The following PCDH7 variants were observed in gnomAD, a reference collection of about 807,000 sequenced individuals.
PCDH7 encodes protocadherin-7.
Under a neutral mutation model 58.9 loss-of-function variants are expected in PCDH7, and 17 were observed. The observed-to-expected ratio is 0.29, with a 90% confidence interval of 0.20 to 0.43. The LOEUF (loss-of-function observed/expected upper bound fraction) is 0.43. Ranked by LOEUF, PCDH7 falls within the 20% of genes least tolerant of loss-of-function variation. The probability of loss-of-function intolerance (pLI) is 1.00; values close to 1 mark genes in which losing one functional copy is unlikely to be tolerated. For synonymous variants in PCDH7, 664 were observed against 616.4 expected, an observed-to-expected ratio of 1.08 and a Z score of -1.14; for missense variants, 1,274 against 1,441.0, an observed-to-expected ratio of 0.88 and a Z score of 1.88.
intron 3 of PCDH7, among the ~76,000 whole-genome samples, chr4:31,124,161 C>T (rs1309004845): frequency 2.0e-5 from 3 of 152,136 alleles, no homozygotes; most frequent in Non-Finnish European, 2.9e-5. Flanking sequence ...GAGGGTGGAG[C>T]CCTCACCAGG....
At chr4:31,075,227 G>C (rs1758888017) in intron 3 of PCDH7, among the ~76,000 whole-genome samples, 2 of 151,898 alleles carry the variant, frequency 1.3e-5, no homozygotes, top group South Asian at 4.2e-4. Context: ...TATGACCTTT[G>C]CATTTGCCTG....
At position 31,097,620 on chromosome 4, in the gene PCDH7, ATATATATATATAT is replaced by A. The variant is rs1481936768; in HGVS notation, c.*8-44852_*8-44840del. Among the ~76,000 whole-genome samples the A allele has an allele frequency of 1.0e-3, 39 of 38,366 alleles. 5 individuals are homozygous for A. In the East Asian group the frequency reaches 0.023, roughly 23 times the overall value. 25.2% of individuals were successfully genotyped at this position (38,366 alleles called of 152,430 possible). A position where few individuals can be genotyped will look rare whatever the true frequency, so the allele number is the denominator to read the frequency against. On this transcript the variant is annotated intron_variant, in intron 3 of 3. Transcript: ENST00000509759. Reference sequence around the variant, plus strand: ...TATATATATATATATATATATATATATATATATATATATATATAAATCTTTTTTCTGTAATTTC... The same window carrying A: ...TATATATATATATATATATATATATAATATAAATCTTTTTTCTGTAATTTC...
intron 1 of PCDH7, among the ~76,000 whole-genome samples, chr4:30,751,830 A>G (rs1200025075): frequency 6.6e-6 from 1 of 152,168 alleles, no homozygotes; most frequent in Non-Finnish European, 1.5e-5. Flanking sequence ...ATTTACTTGT[A>G]TATTTCCCCT....
At chr4:31,105,199 G>A (rs1040173408) in intron 3 of PCDH7, among the ~76,000 whole-genome samples, 2 of 152,090 alleles carry the variant, frequency 1.3e-5, no homozygotes, top group African/African-American at 4.8e-5. Flanking sequence ...TTGTGTATAA[G>A]TAAAGGACAC....
At chr4:30,729,942 A>AT in intron 1 of PCDH7, among the ~76,000 whole-genome samples, 1 of 151,982 alleles carries the variant, frequency 6.6e-6, no homozygotes, top group East Asian at 1.9e-4. Context: ...TAAATTATTG[A>AT]ATCTATTAAT....
chr4:30,912,184 T>A (rs374653692), intron 1 of PCDH7, among the ~76,000 whole-genome samples: 3 of 152,192 alleles, frequency 2.0e-5, no homozygotes, highest in East Asian at 3.9e-4. Flanking sequence ...TCTTGAAATG[T>A]TAGCAAAAGA....
At position 30,891,681 on chromosome 4, in the gene PCDH7, A is replaced by T. The variant is rs181424253; in HGVS notation, c.71-28472A>T. ...AAACTCCATCATGGGAAGGGCAGGG[A>T]AATGACCAAAGATCACTTATTGATT... On this transcript the variant is annotated intron_variant, in intron 1 of 3. Coordinates refer to the PCDH7 transcript ENST00000509759. 1.0e-3 allele frequency among the ~76,000 whole-genome samples: 159 copies of T among 152,156 alleles called. 3 individuals are homozygous for T. The highest frequency in any genetic ancestry group is 0.01 in the Admixed American group (156 of 15,278).
downstream of PCDH7, among the ~76,000 whole-genome samples, chr4:30,733,969 C>T (rs953005764): frequency 1.3e-5 from 2 of 152,084 alleles, no homozygotes; most frequent in Non-Finnish European, 2.9e-5. Context: ...AATTATTCGA[C>T]TGGACTTATG....
chr4:30,867,720 A>T (rs563369492), intron 1 of PCDH7, among the ~76,000 whole-genome samples: 1 of 152,150 alleles, frequency 6.6e-6, no homozygotes, highest in South Asian at 2.1e-4. Context: ...ATGCAGTGTG[A>T]TGTGGAATAT....
chr4:30,837,916 T>A (rs57877067), intron 1 of PCDH7, among the ~76,000 whole-genome samples: 2 of 139,290 alleles, frequency 1.4e-5, no homozygotes, highest in Admixed American at 7.2e-5. Context: ...TATATATATA[T>A]AACATTATTG....
chr4:31,056,503 A>AAG (rs1757231342), intron 3 of PCDH7, among the ~76,000 whole-genome samples: 1 of 117,742 alleles, frequency 8.5e-6, no homozygotes, highest in African/African-American at 3.3e-5. Context: ...GAAAGAAAGA[A>AAG]AGAAAGAAAG....
chr4:30,762,186 G>T (rs888319703), intron 1 of PCDH7, among the ~76,000 whole-genome samples: 1 of 152,102 alleles, frequency 6.6e-6, no homozygotes, highest in African/African-American at 2.4e-5. Context: ...TATAAAAGCT[G>T]TGTGTTATTA....
chr4:31,017,099 G>A (rs1753679098), intron 3 of PCDH7, among the ~76,000 whole-genome samples: 1 of 152,150 alleles, frequency 6.6e-6, no homozygotes, highest in Non-Finnish European at 1.5e-5. Flanking sequence ...AATGTTGCCA[G>A]TGGTGTCAGA....
intron 2 of PCDH7, among the ~76,000 whole-genome samples, chr4:30,939,243 G>A (rs1216712316): frequency 1.3e-5 from 2 of 152,146 alleles, no homozygotes; most frequent in Non-Finnish European, 2.9e-5. Flanking sequence ...ATAATCCAAT[G>A]TAAATGTGCC....
chr4:31,143,723 G>T (rs1286866165), downstream of PCDH7: 1 of 152,152 alleles, frequency 6.6e-6, no homozygotes, highest in East Asian at 1.9e-4. Context: ...GGGAAGTCAT[G>T]AAGTTGATTT....
chr4:30,970,894 T>C (rs974804035), intron 3 of PCDH7, among the ~76,000 whole-genome samples: 2 of 152,222 alleles, frequency 1.3e-5, no homozygotes, highest in African/African-American at 4.8e-5. Context: ...AAGTTTTATG[T>C]TCCTCATGTG....
At chr4:31,071,271 CAT>C (rs746522613) in intron 3 of PCDH7, among the ~76,000 whole-genome samples, 41 of 152,124 alleles carry the variant, frequency 2.7e-4, no homozygotes, top group Non-Finnish European at 4.4e-4. Context: ...CCCAAAAACC[CAT>C]AGTCTCTGTA....
intron 3 of PCDH7, among the ~76,000 whole-genome samples, chr4:31,028,211 A>G (rs1754602991): frequency 6.6e-6 from 1 of 152,206 alleles, no homozygotes; most frequent in African/African-American, 2.4e-5. Context: ...TATGATATGC[A>G]GTGTTATACA....
At chr4:30,728,292 T>TAG (rs1346165373) in intron 1 of PCDH7, among the ~76,000 whole-genome samples, 43 of 99,118 alleles carry the variant, frequency 4.3e-4, no homozygotes, top group Non-Finnish European at 6.2e-4. Context: ...TATATATATA[T>TAG]ATATAGAGAG....
Sources: gnomAD v4.1 joint callset for allele counts (sites outside exome capture counted in the v4.1 genomes callset) on GRCh38, gnomAD v4.1.1 for gene constraint, MANE v1.5 for transcripts, NCBI Gene and HGNC (gene_info 2026-07-23, HGNC 2026-07-21) for gene names.